The following USP8 variants were observed in gnomAD, a reference collection of about 807,000 sequenced individuals.
USP8 encodes the protein ubiquitin carboxyl-terminal hydrolase 8.
In USP8, 27 loss-of-function variants were observed where a neutral mutation model predicts 130.0. That is an observed-to-expected ratio of 0.21 (90% confidence interval 0.15 to 0.29). The LOEUF is 0.29. Among genes scored for constraint, USP8 ranks in the 10% least tolerant of loss-of-function variants. USP8 has a pLI of 1.00. For synonymous variants in USP8, 392 were observed against 444.1 expected (o/e 0.88, Z 1.48); for missense variants, 1,029 against 1,312.2 (o/e 0.78, Z 3.33).
chr15:50,464,946 A>G, intron 6 of USP8, 101 bp from the exon 7 acceptor site: 1 of 1,243,728 alleles, frequency 8.0e-7, no homozygotes, highest in Non-Finnish European at 1.1e-6. Flanking sequence ...TATATTCAGT[A>G]TACTTTGCTC....
In USP8 at chr15:50,490,259, T is replaced by C; in HGVS notation, c.1972-4T>C. The C allele has an allele frequency of 6.3e-7, 1 of 1,586,958 alleles. No homozygotes were observed. Among genetic ancestry groups the C allele is most frequent in the East Asian group, 2.2e-5 (1 of 44,724 alleles). On this transcript the variant is annotated splice_region_variant and splice_polypyrimidine_tract_variant and intron_variant, in intron 13 of 19. Coordinates refer to ENST00000307179, the MANE Select transcript of USP8 (RefSeq NM_005154.5). ...CCTGTTTTTTTTTTTCTTTTCCATCTAAGTTTCTTGACCCAATCACTGGAA... is the reference window on the plus strand; with the variant it reads ...CCTGTTTTTTTTTTTCTTTTCCATCCAAGTTTCTTGACCCAATCACTGGAA...
At chr15:50,482,128 CA>C in intron 11 of USP8, 63 bp downstream of exon 11, 1 of 1,390,930 alleles carries the variant, frequency 7.2e-7, no homozygotes, top group Non-Finnish European at 9.5e-7. Flanking sequence ...AATGTGAAAA[CA>C]CCAGTGGCAT....
Position 50,505,453 on chromosome 15 carries a change from A to T in USP8, c.*6365A>T, listed in dbSNP as rs943880019. ...ATCCAAGAATGAAAGTGAATTAAAG[A>T]CTTCTCAAAGACTGAGAGACTTCAG... On this transcript the variant is annotated 3_prime_UTR_variant, in exon 20 of 20. Coordinates refer to ENST00000307179, the MANE Select transcript of USP8 (RefSeq NM_005154.5). 1 of 152,212 alleles carries T rather than the reference A, an allele frequency of 6.6e-6. No individual in the cohort carries two copies. The highest frequency in any genetic ancestry group is 1.5e-5 in the Non-Finnish European group (1 of 68,036). 9.4% of individuals were successfully genotyped at this position (152,212 alleles called of 1,614,324 possible). A position where few individuals can be genotyped will look rare whatever the true frequency, so the allele number is the denominator to read the frequency against.
chr15:50,449,783 A>C (rs983430966), intron 4 of USP8, among the ~76,000 whole-genome samples: 2 of 148,796 alleles, frequency 1.3e-5, no homozygotes, highest in African/African-American at 5.0e-5. Flanking sequence ...GGGTTTCACC[A>C]TGTTAGCCAG....
chr15:50,486,107 G>A (rs1278111529), intron 12 of USP8, among the ~76,000 whole-genome samples: 2 of 151,934 alleles, frequency 1.3e-5, no homozygotes, highest in East Asian at 3.9e-4. Flanking sequence ...TTAAATTTTT[G>A]TTAGGTCATT....
Position 50,449,483 on chromosome 15 carries a change from A to G in USP8, c.333A>G (p.Leu111=), listed in dbSNP as rs1269423444. The G allele has an allele frequency of 1.3e-6, 2 of 1,573,388 alleles. No homozygotes were observed. Among genetic ancestry groups the G allele is most frequent in the Admixed American group, 1.7e-5 (1 of 57,394 alleles). The change falls in exon 4 of 20, where the codon TTA becomes TTG. Residue 111 remains leucine, a splice_region_variant and synonymous_variant. Transcript: ENST00000307179. ...AAAGACTCTCTGAAAGCCTTAAATT[A>G]AGGTACAGATATTATGAAATATTTA... The part of the protein sequence containing the change: ...EAERLSESLK[L]RYEEAEVRKK...
chr15:50,457,536 T>G, intron 4 of USP8, among the ~76,000 whole-genome samples: 1 of 144,458 alleles, frequency 6.9e-6, no homozygotes, highest in Non-Finnish European at 1.5e-5. Context: ...CCAGCCTGGG[T>G]GACAGAGTGA....
At chr15:50,426,960 CT>C (rs5812516) in intron 1 of USP8, 127 of 143,066 alleles carry the variant, frequency 8.9e-4, no homozygotes, top group Non-Finnish European at 7.7e-4. Context: ...TCTTCTTCTT[CT>C]TTTTTTTTTT....
At chr15:50,433,818 G>A (rs1229811234) in intron 1 of USP8, among the ~76,000 whole-genome samples, 2 of 152,102 alleles carry the variant, frequency 1.3e-5, no homozygotes, top group Admixed American at 6.6e-5. Context: ...TGTTAGCCAG[G>A]ATGGTCTTGA....
intron 14 of USP8, among the ~76,000 whole-genome samples, chr15:50,491,257 G>C (rs919944786): frequency 5.3e-5 from 8 of 152,162 alleles, no homozygotes; most frequent in African/African-American, 1.9e-4. Flanking sequence ...TTATACACTT[G>C]TATTTGCTAA....
chr15:50,489,711 G>A (rs1249656410), intron 12 of USP8, 90 bp from the exon 13 acceptor site: 2 of 870,580 alleles, frequency 2.3e-6, no homozygotes, highest in African/African-American at 1.8e-5. Flanking sequence ...TTTGGTACAA[G>A]TAGCTTAAGT....
Position 50,495,874 on chromosome 15 carries a change from A to C in USP8, c.2685A>C (p.Glu895Asp), listed in dbSNP as rs1415816530. ...NKADNRKRYK[E>D]ENNDHLDDFK... ...CTGATAATCGGAAGAGATATAAAGA[A>C]GAAAATAATGATCATCTCGATGACT... Residue 895 changes from glutamate to aspartate, a missense_variant, in exon 17 of 20, where the codon GAA becomes GAC. This residue lies in a region of USP8 where 257 missense variants were observed against 429.8 expected (regional missense o/e 0.60). Transcript: ENST00000307179. 6.2e-7 allele frequency: 1 copy of C among 1,613,770 alleles called. No individual in the cohort carries two copies. Among genetic ancestry groups the C allele is most frequent in the Non-Finnish European group, 8.5e-7 (1 of 1,179,822 alleles).
At chr15:50,433,332 A>T (rs990583476) in intron 1 of USP8, among the ~76,000 whole-genome samples, 4 of 152,216 alleles carry the variant, frequency 2.6e-5, no homozygotes, top group African/African-American at 9.6e-5. Context: ...CAGCGAGAAG[A>T]TACTTATGTT....
At chr15:50,477,015 T>C in intron 9 of USP8, 22 bp downstream of exon 9, 1 of 1,594,268 alleles carries the variant, frequency 6.3e-7, no homozygotes, top group Non-Finnish European at 8.5e-7. Flanking sequence ...AAAATTTTTG[T>C]TTAAAATTGC....
rs114633178 is a variant in USP8 at position 50,434,579 on chromosome 15, T to C, written c.-65-4430T>C. ...TACATATACTTAGTTATTTTTTTTT[T>C]CCACTTGCAATCCTTTTTGAAGCAT... On this transcript the variant is annotated intron_variant, in intron 1 of 19. Coordinates refer to ENST00000307179, the MANE Select transcript of USP8 (RefSeq NM_005154.5). Among the ~76,000 whole-genome samples, 967 of 152,232 alleles carry C rather than the reference T, an allele frequency of 6.4e-3. 14 individuals are homozygous for C. Among genetic ancestry groups the C allele is most frequent in the African/African-American group, 0.022 (931 of 41,542 alleles).
chr15:50,434,776 C>T (rs533690355), intron 1 of USP8, among the ~76,000 whole-genome samples: 9 of 152,088 alleles, frequency 5.9e-5, no homozygotes, highest in African/African-American at 1.7e-4. Flanking sequence ...GCCACCACCA[C>T]GCCTGGCTAA....
intron 1 of USP8, among the ~76,000 whole-genome samples, chr15:50,437,767 A>G (rs756766869): frequency 6.6e-6 from 1 of 152,270 alleles, no homozygotes; most frequent in African/African-American, 2.4e-5. Context: ...CTAGAAGGAC[A>G]TATTTGATAT....
intron 8 of USP8, among the ~76,000 whole-genome samples, chr15:50,474,018 T>G (rs2051477785): frequency 6.6e-6 from 1 of 151,662 alleles, no homozygotes. Flanking sequence ...TACTTACTGT[T>G]TTTTGAAGAC....
intron 1 of USP8, among the ~76,000 whole-genome samples, chr15:50,437,473 G>C (rs1469490802): frequency 6.6e-6 from 1 of 152,176 alleles, no homozygotes; most frequent in African/African-American, 2.4e-5. Context: ...CATTGCGGGG[G>C]ATGGGCAGAA....
Sources: allele counts gnomAD v4.1 joint callset (sites outside exome capture counted in the v4.1 genomes callset), GRCh38; gene constraint gnomAD v4.1.1; regional missense constraint gnomAD v4.1.1; transcripts MANE v1.5; gene names NCBI Gene and HGNC (gene_info 2026-07-23, HGNC 2026-07-21).